The following PIK3R5 variants were observed in gnomAD, a reference collection of about 807,000 sequenced individuals.
PIK3R5 encodes phosphoinositide-3-kinase regulatory subunit 5.
PIK3R5 carries 32 observed loss-of-function variants against 94.9 expected under a neutral mutation model. That is an observed-to-expected ratio of 0.34 (90% confidence interval 0.25 to 0.45). The LOEUF is 0.45. PIK3R5 is among the 20% of genes least tolerant of loss of function. The probability of loss-of-function intolerance (pLI) is 1.00; values close to 1 mark genes in which losing one functional copy is unlikely to be tolerated. For missense variants in PIK3R5, 853 were observed against 1,144.6 expected, an observed-to-expected ratio of 0.75 and a Z score of 3.68; for synonymous variants, 443 against 479.4, an observed-to-expected ratio of 0.92 and a Z score of 0.99.
At chr17:8,897,549 A>G (rs1383269278) in intron 5 of PIK3R5, among the ~76,000 whole-genome samples, 1 of 152,222 alleles carries the variant, frequency 6.6e-6, no homozygotes, top group Non-Finnish European at 1.5e-5. Flanking sequence ...GAGTCACCCT[A>G]ACAGGACCAA....
intron 1 of PIK3R5, among the ~76,000 whole-genome samples, chr17:8,959,656 G>A (rs973679422): frequency 6.6e-6 from 1 of 152,206 alleles, no homozygotes; most frequent in African/African-American, 2.4e-5. Context: ...AGATTTGCCT[G>A]AAAAGGGCCA....
rs773161665 is a variant in PIK3R5, at chr17:8,893,667, G to C, written c.413-12C>G. The C allele has an allele frequency of 3.7e-6, 6 of 1,606,822 alleles. No individual in the cohort carries two copies. In the East Asian group the frequency reaches 1.3e-4, roughly 36 times the overall value. ...CTGGTAGGAGATCCCTGTGGGTCAA[G>C]AAGAAAAGAGTTCATGGGCTGATCA... On this transcript the variant is annotated splice_polypyrimidine_tract_variant and intron_variant, in intron 5 of 18. Transcript: ENST00000447110. This position sits in a 1 kb window ranked among gnomAD's most constrained non-coding sequence, Gnocchi z 5.1.
At chr17:8,953,972 G>A (rs113128537) in intron 1 of PIK3R5, among the ~76,000 whole-genome samples, 16 of 151,984 alleles carry the variant, frequency 1.1e-4, no homozygotes, top group African/African-American at 3.9e-4. Context: ...TCATGCATGA[G>A]CTCTGAATTG....
chr17:8,941,862 G>C (rs1248538550), intron 1 of PIK3R5, among the ~76,000 whole-genome samples: 2 of 152,220 alleles, frequency 1.3e-5, no homozygotes, highest in African/African-American at 2.4e-5. Flanking sequence ...TGCAGGCATC[G>C]AGATGCAGGC....
chr17:8,923,331 A>G (rs922528196), intron 1 of PIK3R5, among the ~76,000 whole-genome samples: 1 of 152,200 alleles, frequency 6.6e-6, no homozygotes, highest in Non-Finnish European at 1.5e-5. Context: ...AATAATTTTA[A>G]TAATAGCAGC....
chr17:8,923,796 A>G (rs1010257754), intron 1 of PIK3R5, among the ~76,000 whole-genome samples: 3 of 152,058 alleles, frequency 2.0e-5, no homozygotes, highest in African/African-American at 7.2e-5. Flanking sequence ...AGAAAGGCCA[A>G]TTACACATAT....
At chr17:8,924,021 T>C (rs990643918) in intron 1 of PIK3R5, among the ~76,000 whole-genome samples, 1 of 132,492 alleles carries the variant, frequency 7.5e-6, no homozygotes, top group Admixed American at 7.5e-5. Context: ...AGTTGTGACA[T>C]TGCAGCCTTC....
intron 13 of PIK3R5, 42 bp downstream of exon 13, chr17:8,886,435 C>T (rs1299445018): frequency 3.8e-6 from 6 of 1,598,598 alleles, no homozygotes; most frequent in East Asian, 2.2e-5. Context: ...CTTGCAGGCC[C>T]GGCAGGTGGG....
chr17:8,953,126 T>C (rs1051268194), intron 1 of PIK3R5, among the ~76,000 whole-genome samples: 23 of 152,184 alleles, frequency 1.5e-4, no homozygotes, highest in African/African-American at 5.6e-4. Context: ...TCTTTATTCA[T>C]TGCACCCATT....
chr17:8,924,819 C>T (rs2090839136), intron 1 of PIK3R5, among the ~76,000 whole-genome samples: 1 of 152,226 alleles, frequency 6.6e-6, no homozygotes. Flanking sequence ...AAATCAGACA[C>T]TCCTCCCGAT....
At chr17:8,938,225 T>A (rs1205959463) in intron 1 of PIK3R5, among the ~76,000 whole-genome samples, 1 of 152,260 alleles carries the variant, frequency 6.6e-6, no homozygotes, top group Admixed American at 6.5e-5. Context: ...CCTATTCAGA[T>A]AATCTACTTC....
intron 1 of PIK3R5, among the ~76,000 whole-genome samples, chr17:8,948,805 T>G (rs2091323906): frequency 6.6e-6 from 1 of 152,198 alleles, no homozygotes; most frequent in Non-Finnish European, 1.5e-5. Flanking sequence ...CCCAGGTATA[T>G]GCCTCCTAGC....
At position 8,954,266 on chromosome 17, in the gene PIK3R5, G is replaced by A. The variant is rs141865822; in HGVS notation, c.-14+11330C>T. Among the ~76,000 whole-genome samples the A allele has an allele frequency of 5.4e-3, 820 of 152,258 alleles. 4 individuals carry two copies. The highest frequency in any genetic ancestry group is 0.019 in the African/African-American group (786 of 41,542). On this transcript the variant is annotated intron_variant, in intron 1 of 18. Coordinates refer to ENST00000447110, the MANE Select transcript of PIK3R5 (RefSeq NM_001142633.3). The stretch of plus-strand genomic sequence containing the variant: ...CAAAGGACCATATGCAAATTAATCA[G>A]TTAGTAATACTTTAATTTGCTCCCA...
At chr17:8,937,047 C>A (rs1052698315) in intron 1 of PIK3R5, among the ~76,000 whole-genome samples, 2 of 151,800 alleles carry the variant, frequency 1.3e-5, no homozygotes, top group Non-Finnish European at 2.9e-5. Flanking sequence ...ATTCAAATTC[C>A]AATTGTTCAT....
At position 8,925,219 on chromosome 17, in the gene PIK3R5, G is replaced by GAGAAAAAAGGAACACACATGCATACAA. The variant is rs1567658320; in HGVS notation, c.-13-13713_-13-13712insTTGTATGCATGTGTGTTCCTTTTTTCT. ...AAGTAGATGGATAGATAGATAGATA[G>GAGAAAAAAGGAACACACATGCATACAA]TAGATGGATAGATAGATAGTAGATG... On this transcript the variant is annotated intron_variant, in intron 1 of 18. Coordinates refer to ENST00000447110, the MANE Select transcript of PIK3R5 (RefSeq NM_001142633.3). The surrounding 1 kb of genome is among the most constrained non-coding windows in gnomAD (Gnocchi z 5.1). Among the ~76,000 whole-genome samples, 5 of 151,912 alleles carry GAGAAAAAAGGAACACACATGCATACAA rather than the reference G, an allele frequency of 3.3e-5. No individual in the cohort carries two copies. Among genetic ancestry groups the GAGAAAAAAGGAACACACATGCATACAA allele is most frequent in the African/African-American group, 9.7e-5 (4 of 41,354 alleles).
chr17:8,927,864 T>A (rs1303362156), intron 1 of PIK3R5, among the ~76,000 whole-genome samples: 1 of 152,126 alleles, frequency 6.6e-6, no homozygotes. Context: ...TGAGAACTGG[T>A]TGGGAACCAG....
intron 1 of PIK3R5, among the ~76,000 whole-genome samples, chr17:8,961,133 T>C (rs561706927): frequency 6.6e-6 from 1 of 152,198 alleles, no homozygotes; most frequent in South Asian, 2.1e-4. Context: ...AAGATGAGGC[T>C]TGAGCTGGGC....
In PIK3R5 at chr17:8,909,897, A is replaced by G. The variant is rs556333097; in HGVS notation, c.104-723T>C. Among the ~76,000 whole-genome samples the G allele has an allele frequency of 1.3e-5, 2 of 152,372 alleles. No individual in the cohort carries two copies. The highest frequency in any genetic ancestry group is 2.1e-4 in the South Asian group (1 of 4,828). On this transcript the variant is annotated intron_variant, in intron 2 of 18. Transcript: ENST00000447110. This position sits in a 1 kb window ranked among gnomAD's most constrained non-coding sequence, Gnocchi z 4.3. The stretch of plus-strand genomic sequence containing the variant: ...TGCTGGAAGAATACAGAGAGGAGCC[A>G]CGGTGAGTTCCATCCCAAGACGCAA...
Position 8,905,655 on chromosome 17 carries a change from C to A in PIK3R5, c.273+14G>T. 1 of 1,584,354 alleles carries A rather than the reference C, an allele frequency of 6.3e-7. No individual in the cohort carries two copies. The highest frequency in any genetic ancestry group is 8.6e-7 in the Non-Finnish European group (1 of 1,164,904). On this transcript the variant is annotated intron_variant, in intron 4 of 18. Coordinates refer to ENST00000447110, the MANE Select transcript of PIK3R5 (RefSeq NM_001142633.3). ...CCTCCCTCACCTCCAGCATCCTGGCCCACGTGGACTTACACAAAGAACAGT... is the reference window on the plus strand; with the variant it reads ...CCTCCCTCACCTCCAGCATCCTGGCACACGTGGACTTACACAAAGAACAGT...
Sources: gnomAD v4.1 joint callset for allele counts (sites outside exome capture counted in the v4.1 genomes callset) on GRCh38, gnomAD v4.1.1 for gene constraint, Gnocchi (gnomAD v3.1) non-coding constraint, MANE v1.5 for transcripts, NCBI Gene and HGNC (gene_info 2026-07-23, HGNC 2026-07-21) for gene names.